The following LRMDA variants were observed in gnomAD, a reference collection of about 807,000 sequenced individuals.
LRMDA encodes the protein leucine rich melanocyte differentiation associated.
LRMDA carries 18 observed loss-of-function variants against 29.8 expected under a neutral mutation model. The observed-to-expected ratio is 0.60, with a 90% CI of 0.42 to 0.90. The LOEUF (loss-of-function observed/expected upper bound fraction) is 0.90. Among genes scored for constraint, LRMDA ranks in the 40% least tolerant of loss-of-function variants. LRMDA has a pLI of 0.00. For missense variants in LRMDA, 273 were observed against 273.9 expected, an observed-to-expected ratio of 1.00 and a Z score of 0.02; for synonymous variants, 125 against 109.4, an observed-to-expected ratio of 1.14 and a Z score of -0.89.
intron 2 of LRMDA, among the ~76,000 whole-genome samples, chr10:75,714,835 T>TTCCCTTCCTCCTTCTTTCCC (rs377434405): frequency 8.8e-5 from 11 of 125,194 alleles, no homozygotes; most frequent in African/African-American, 4.0e-4. Flanking sequence ...TCCTCCTTCT[T>TTCCCTTCCTCCTTCTTTCCC]TCCCTCCCTC....
At chr10:75,577,552 T>A (rs919993455) in intron 2 of LRMDA, among the ~76,000 whole-genome samples, 9 of 152,002 alleles carry the variant, frequency 5.9e-5, no homozygotes, top group African/African-American at 1.7e-4. Context: ...GTGAAGATAC[T>A]CCTGGAGAAG....
intron 5 of LRMDA, among the ~76,000 whole-genome samples, chr10:76,247,118 C>G (rs1472404265): frequency 6.6e-6 from 1 of 152,164 alleles, no homozygotes; most frequent in Non-Finnish European, 1.5e-5. Context: ...CCCCAGCTAT[C>G]CCAGAATAGC....
At chr10:75,436,071 AAAAGAG>A (rs1392709736) in intron 1 of LRMDA, among the ~76,000 whole-genome samples, 1 of 142,470 alleles carries the variant, frequency 7.0e-6, no homozygotes, top group Admixed American at 7.0e-5. Context: ...AAAAAAAAAA[AAAAGAG>A]AGAGAGAAAT....
At chr10:75,450,101 A>G (rs940311475) in intron 2 of LRMDA, 7 of 152,176 alleles carry the variant, frequency 4.6e-5, no homozygotes, top group Non-Finnish European at 1.0e-4. Flanking sequence ...TTGCAGGGAT[A>G]TAATAACTAC....
At chr10:75,648,543 G>A (rs1841557979) in intron 2 of LRMDA, among the ~76,000 whole-genome samples, 2 of 152,074 alleles carry the variant, frequency 1.3e-5, no homozygotes, top group South Asian at 4.1e-4. Context: ...GTGGGCCTGG[G>A]TCCTGGTCTG....
At chr10:76,392,648 C>G (rs1474710826) in intron 6 of LRMDA, among the ~76,000 whole-genome samples, 1 of 151,882 alleles carries the variant, frequency 6.6e-6, no homozygotes, top group African/African-American at 2.4e-5. Flanking sequence ...GGTGCTTAAC[C>G]TGTATGTGCA....
chr10:75,789,573 T>C (rs1028976827), intron 2 of LRMDA, among the ~76,000 whole-genome samples: 1 of 152,346 alleles, frequency 6.6e-6, no homozygotes, highest in East Asian at 1.9e-4. Flanking sequence ...CTCTAATTCA[T>C]AAGTGTATAT....
At chr10:75,881,631 C>A (rs1845296310) in intron 2 of LRMDA, among the ~76,000 whole-genome samples, 1 of 152,152 alleles carries the variant, frequency 6.6e-6, no homozygotes, top group Non-Finnish European at 1.5e-5. Context: ...CTTTCCACAA[C>A]CAGTGAGACT....
At chr10:75,896,046 T>C (rs1385576480) in intron 2 of LRMDA, among the ~76,000 whole-genome samples, 2 of 152,204 alleles carry the variant, frequency 1.3e-5, no homozygotes, top group Non-Finnish European at 2.9e-5. Context: ...TATTAAGATA[T>C]CATAAAGATT....
intron 2 of LRMDA, among the ~76,000 whole-genome samples, chr10:75,989,306 T>C (rs2132457538): frequency 6.6e-6 from 1 of 152,368 alleles, no homozygotes; most frequent in East Asian, 1.9e-4. Flanking sequence ...GGAAGTGTAC[T>C]GGCTTCTGCT....
intron 5 of LRMDA, among the ~76,000 whole-genome samples, chr10:76,284,396 G>T (rs1038037615): frequency 6.6e-6 from 1 of 152,132 alleles, no homozygotes; most frequent in Non-Finnish European, 1.5e-5. Context: ...AACACAGGCA[G>T]CCACTAGGAG....
At chr10:76,112,136 A>G (rs1849588418) in intron 5 of LRMDA, among the ~76,000 whole-genome samples, 2 of 152,164 alleles carry the variant, frequency 1.3e-5, no homozygotes, top group African/African-American at 2.4e-5. Context: ...AGGGAGCAGG[A>G]GGAGGGGCTG....
chr10:75,484,762 G>A (rs1186712089), intron 2 of LRMDA, among the ~76,000 whole-genome samples: 2 of 152,214 alleles, frequency 1.3e-5, no homozygotes, highest in Non-Finnish European at 2.9e-5. Flanking sequence ...GGCTGTGTGA[G>A]ACACAGCAAG....
intron 2 of LRMDA, among the ~76,000 whole-genome samples, chr10:75,528,663 G>A (rs1845441260): frequency 6.6e-6 from 1 of 152,126 alleles, no homozygotes; most frequent in South Asian, 2.1e-4. Flanking sequence ...ATAGAGAATA[G>A]TTCTCTATTC....
At chr10:76,297,293 G>T (rs1371624147) in intron 5 of LRMDA, among the ~76,000 whole-genome samples, 1 of 152,150 alleles carries the variant, frequency 6.6e-6, no homozygotes, top group Non-Finnish European at 1.5e-5. Context: ...TATGGCTTGG[G>T]CAGCCCCACT....
At chr10:76,144,171 G>A (rs1850263144) in intron 5 of LRMDA, among the ~76,000 whole-genome samples, 1 of 152,148 alleles carries the variant, frequency 6.6e-6, no homozygotes, top group African/African-American at 2.4e-5. Flanking sequence ...ACTTGGCGAT[G>A]CGGGCTCTTT....
At chr10:76,247,387 C>T (rs915002107) in intron 5 of LRMDA, among the ~76,000 whole-genome samples, 1 of 152,106 alleles carries the variant, frequency 6.6e-6, no homozygotes, top group African/African-American at 2.4e-5. Context: ...AACCATGAAA[C>T]CCTATGGAGT....
chr10:76,404,008 C>T (rs1442612236), intron 6 of LRMDA, among the ~76,000 whole-genome samples: 1 of 152,036 alleles, frequency 6.6e-6, no homozygotes, highest in Admixed American at 6.6e-5. Context: ...GGAAGAGGCT[C>T]AGTTCCTTTC....
chr10:75,621,245 C>A (rs1291378348), intron 2 of LRMDA, among the ~76,000 whole-genome samples: 2 of 151,634 alleles, frequency 1.3e-5, no homozygotes, highest in Admixed American at 1.3e-4. Context: ...CACACACACA[C>A]CACATTTTCT....
Sources: allele counts gnomAD v4.1 joint callset (sites outside exome capture counted in the v4.1 genomes callset), GRCh38; gene constraint gnomAD v4.1.1; transcripts MANE v1.5; gene names NCBI Gene and HGNC (gene_info 2026-07-23, HGNC 2026-07-21).